Variants in PATJ observed in about 807,000 individuals in gnomAD.
PATJ encodes the protein PATJ crumbs cell polarity complex component.
In PATJ, 190 loss-of-function variants were observed where a neutral mutation model predicts 224.9. The ratio of observed to expected loss-of-function variants is 0.84; its 90% CI spans 0.75 to 0.95. PATJ has a LOEUF of 0.95. Among genes scored for constraint, PATJ ranks in the 40% least tolerant of loss-of-function variants. The pLI is 0.00. For synonymous variants in PATJ, 769 were observed against 820.3 expected (o/e 0.94, Z 1.07); for missense variants, 2,121 against 2,270.3 (o/e 0.93, Z 1.34).
chr1:62,058,819 G>A (rs985853037), intron 31 of PATJ, among the ~76,000 whole-genome samples: 2 of 152,182 alleles, frequency 1.3e-5, no homozygotes, highest in Non-Finnish European at 2.9e-5. Context: ...TTCATGTCCA[G>A]GAGTGTGCCA....
chr1:62,154,882 C>G (rs938496569), intron 43 of PATJ, among the ~76,000 whole-genome samples: 11 of 152,144 alleles, frequency 7.2e-5, no homozygotes, highest in African/African-American at 2.4e-4. Context: ...ACATTTACCC[C>G]CTTCCTGCAT....
At position 61,756,589 on chromosome 1, in the gene PATJ, G is replaced by C. The variant is rs1035499864; in HGVS notation, c.-35-6269G>C. Among the ~76,000 whole-genome samples the C allele has an allele frequency of 1.2e-3, 32 of 25,662 alleles. No homozygotes were observed. The South Asian group carries it at 0.027, about 22-fold the overall frequency. 16.8% of individuals were successfully genotyped at this position (25,662 alleles called of 152,430 possible). A position where few individuals can be genotyped will look rare whatever the true frequency, so the allele number is the denominator to read the frequency against. ...TTTTTTTTTTTTTTTTTTTTTTTTTGGTTCTGGGAGACAGAATCTGTTTCT... is the reference window on the plus strand; with the variant it reads ...TTTTTTTTTTTTTTTTTTTTTTTTTCGTTCTGGGAGACAGAATCTGTTTCT... On this transcript the variant is annotated intron_variant, in intron 1 of 43. Transcript: ENST00000642238.
At position 61,777,793 on chromosome 1, in the gene PATJ, G is replaced by A. The variant is rs1458570566; in HGVS notation, c.849+2459G>A. 3.7e-5 allele frequency among the ~76,000 whole-genome samples: 5 copies of A among 136,028 alleles called. No individual in the cohort carries two copies. In the East Asian group the frequency reaches 9.8e-4, roughly 27 times the overall value. The allele number at this position is 136,028 out of a possible 152,430, so 89.2% of individuals were successfully genotyped here. ...CGTGATCCTATCTCACTGCAGCCTC[G>A]ACCTCCCAGGCTCAAGCAGTCCTCC... On this transcript the variant is annotated intron_variant, in intron 7 of 43. Coordinates refer to ENST00000642238, the MANE Select transcript of PATJ (RefSeq NM_001350145.3).
chr1:61,911,695 T>TTTTATA lies in PATJ; in HGVS notation c.3493-2891_3493-2890insTTATAT, dbSNP rs770166083. ...CAGAAATTCCATCATCTATATATTT[T>TTTTATA]TATATATATATATATATATATATCA... On this transcript the variant is annotated intron_variant, in intron 25 of 43. Coordinates refer to ENST00000642238, the MANE Select transcript of PATJ (RefSeq NM_001350145.3). 2.8e-5 allele frequency among the ~76,000 whole-genome samples: 4 copies of TTTTATA among 140,602 alleles called. No individual in the cohort carries two copies. The South Asian group carries it at 6.8e-4, about 24-fold the overall frequency. 92.2% of individuals were successfully genotyped at this position (140,602 alleles called of 152,430 possible). A position where few individuals can be genotyped will look rare whatever the true frequency, so the allele number is the denominator to read the frequency against.
rs185115181 is a variant in PATJ, at chr1:61,796,553, T to A, written c.1261-734T>A. Among the ~76,000 whole-genome samples the A allele has an allele frequency of 1.8e-4, 27 of 152,324 alleles. No homozygotes were observed. In the East Asian group the frequency reaches 4.8e-3, roughly 27 times the overall value. On this transcript the variant is annotated intron_variant, in intron 10 of 43. Coordinates refer to ENST00000642238, the MANE Select transcript of PATJ (RefSeq NM_001350145.3). ...CCTTTATATCTCTCAGGCTATTAGTTAAGTGACAAATTTGAATTTGCTTTC... is the reference window on the plus strand; with the variant it reads ...CCTTTATATCTCTCAGGCTATTAGTAAAGTGACAAATTTGAATTTGCTTTC...
At chr1:62,151,670 CAA>C (rs902031871) in intron 42 of PATJ, among the ~76,000 whole-genome samples, 2 of 152,132 alleles carry the variant, frequency 1.3e-5, no homozygotes, top group African/African-American at 4.8e-5. Flanking sequence ...ACAACATATT[CAA>C]AGATTGCTTG....
intron 17 of PATJ, among the ~76,000 whole-genome samples, chr1:61,841,672 A>T (rs1380085937): frequency 6.6e-6 from 1 of 151,086 alleles, no homozygotes; most frequent in Non-Finnish European, 1.5e-5. Context: ...AAATGCAGTC[A>T]ATCTGCTACT....
At chr1:61,904,296 A>G (rs74511213) in intron 24 of PATJ, among the ~76,000 whole-genome samples, 646 of 152,234 alleles carry the variant, frequency 4.2e-3, no homozygotes, top group Non-Finnish European at 6.1e-3. Flanking sequence ...AATCATCATA[A>G]ATTTATAGGA....
chr1:62,133,029 G>T (rs1380930176), intron 41 of PATJ, among the ~76,000 whole-genome samples: 3 of 152,158 alleles, frequency 2.0e-5, no homozygotes, highest in Non-Finnish European at 4.4e-5. Flanking sequence ...CAGGAAACAA[G>T]TAGAACTTAG....
In PATJ at chr1:61,766,456, A is replaced by G; in HGVS notation, c.367A>G (p.Ile123Val). Reference protein sequence around the residue: ...KLGNEDFNSVIQQMAQGRQIE... With the variant: ...KLGNEDFNSVVQQMAQGRQIE... Reference sequence around the variant, plus strand: ...GGGAAATGAAGACTTTAACTCAGTCATTCAACAGATGGCTCAGGTAAAGTT... The same window carrying G: ...GGGAAATGAAGACTTTAACTCAGTCGTTCAACAGATGGCTCAGGTAAAGTT... The change falls in exon 4 of 44, where the codon ATT becomes GTT. Residue 123 changes from isoleucine to valine, a missense_variant. Coordinates refer to ENST00000642238, the MANE Select transcript of PATJ (RefSeq NM_001350145.3). 6.3e-7 allele frequency: 1 copy of G among 1,598,282 alleles called. No homozygotes were observed. The highest frequency in any genetic ancestry group is 2.2e-5 in the East Asian group (1 of 44,516).
At chr1:61,970,736 G>A (rs557546651) in intron 27 of PATJ, among the ~76,000 whole-genome samples, 2 of 152,114 alleles carry the variant, frequency 1.3e-5, no homozygotes, top group African/African-American at 4.8e-5. Flanking sequence ...TCACACTAAC[G>A]CCTGCTTTGG....
chr1:61,797,262 C>T lies in PATJ; in HGVS notation c.1261-25C>T, dbSNP rs746162942. 56 of 1,598,404 alleles carry T rather than the reference C, an allele frequency of 3.5e-5. No homozygotes were observed. The Admixed American group carries it at 8.7e-4, about 25-fold the overall frequency. ...AATAGTAGCTAATTTAAAACCTCTG[C>T]TTAATGTTTCTCTTGATGTTTTAGG... On this transcript the variant is annotated intron_variant, in intron 10 of 43. Transcript: ENST00000642238.
chr1:61,990,692 A>G (rs1645012362), intron 28 of PATJ, among the ~76,000 whole-genome samples: 1 of 152,092 alleles, frequency 6.6e-6, no homozygotes, highest in Non-Finnish European at 1.5e-5. Context: ...ATTTATCAAA[A>G]TTCTCTTTGG....
intron 27 of PATJ, among the ~76,000 whole-genome samples, chr1:61,928,541 A>C (rs1379907629): frequency 3.3e-5 from 5 of 152,150 alleles, no homozygotes; most frequent in Admixed American, 3.3e-4. Flanking sequence ...TCCCTTCTAC[A>C]ATATAGAAAA....
At chr1:62,063,066 T>C (rs2476187) in intron 31 of PATJ, among the ~76,000 whole-genome samples, 55,726 of 152,084 alleles carry the variant, frequency 0.37, 10,513 homozygotes, top group Non-Finnish European at 0.42. Context: ...AGCACTCAGT[T>C]ACAAATTCTT....
intron 31 of PATJ, chr1:62,078,725 C>T (rs1227693793): frequency 1.3e-5 from 2 of 152,454 alleles, no homozygotes; most frequent in African/African-American, 2.4e-5. Flanking sequence ...CCCTGAGTTA[C>T]TCATGTCTTC....
At chr1:62,141,551 C>T (rs1306849676) in intron 41 of PATJ, among the ~76,000 whole-genome samples, 6 of 151,868 alleles carry the variant, frequency 4.0e-5, no homozygotes, top group South Asian at 2.1e-4. Context: ...GGCATGCACC[C>T]GTAATCCCAG....
At chr1:61,806,532 T>C (rs916730133) in intron 13 of PATJ, among the ~76,000 whole-genome samples, 5 of 150,246 alleles carry the variant, frequency 3.3e-5, no homozygotes, top group Admixed American at 2.0e-4. Context: ...GGCAGGAGAA[T>C]GGCGTGAACC....
chr1:61,890,553 G>A (rs890921896), intron 22 of PATJ, among the ~76,000 whole-genome samples: 1 of 152,018 alleles, frequency 6.6e-6, no homozygotes, highest in Non-Finnish European at 1.5e-5. Context: ...CTGGAGTGCA[G>A]TGATGTGATC....
Sources: allele counts gnomAD v4.1 joint callset (sites outside exome capture counted in the v4.1 genomes callset), GRCh38; gene constraint gnomAD v4.1.1; transcripts MANE v1.5; gene names NCBI Gene and HGNC (gene_info 2026-07-23, HGNC 2026-07-21).